The following PCDH7 variants were observed in gnomAD, a reference collection of about 807,000 sequenced individuals.
PCDH7 encodes protocadherin-7.
Under a neutral mutation model 58.9 loss-of-function variants are expected in PCDH7, and 17 were observed. The ratio of observed to expected loss-of-function variants is 0.29; its 90% CI spans 0.20 to 0.43. PCDH7 has a LOEUF of 0.43. Ranked by LOEUF, PCDH7 falls within the 20% of genes least tolerant of loss-of-function variation. The probability of loss-of-function intolerance (pLI) is 1.00; values close to 1 mark genes in which losing one functional copy is unlikely to be tolerated. For missense variants in PCDH7, 1,274 were observed against 1,441.0 expected (o/e 0.88, Z 1.88); for synonymous variants, 664 against 616.4 (o/e 1.08, Z -1.14).
intron 3 of PCDH7, among the ~76,000 whole-genome samples, chr4:31,091,576 G>C (rs1713255668): frequency 6.6e-6 from 1 of 151,640 alleles, no homozygotes; most frequent in Admixed American, 6.6e-5. Flanking sequence ...ATTGGTTTAA[G>C]GTCTGTATTT....
chr4:30,807,157 GC>G (rs1560389956), intron 1 of PCDH7, among the ~76,000 whole-genome samples: 1 of 152,132 alleles, frequency 6.6e-6, no homozygotes, highest in Non-Finnish European at 1.5e-5. Flanking sequence ...ATATTTAAGA[GC>G]TCTGAAAGAA....
intron 1 of PCDH7, among the ~76,000 whole-genome samples, chr4:30,798,478 G>A (rs1424607837): frequency 2.6e-5 from 4 of 152,150 alleles, no homozygotes; most frequent in East Asian, 3.8e-4. Flanking sequence ...TTTGGTACAT[G>A]AGACTTACTT....
chr4:30,798,247 G>T (rs77982002), intron 1 of PCDH7, among the ~76,000 whole-genome samples: 1 of 152,172 alleles, frequency 6.6e-6, no homozygotes, highest in African/African-American at 2.4e-5. Context: ...ACAGACAGGG[G>T]AGTGGATGCC....
At chr4:30,780,690 T>C (rs1722669873) in intron 1 of PCDH7, among the ~76,000 whole-genome samples, 1 of 152,208 alleles carries the variant, frequency 6.6e-6, no homozygotes, top group Admixed American at 6.5e-5. Context: ...ATTTGAATAC[T>C]CTGTCTTTTG....
intron 1 of PCDH7, among the ~76,000 whole-genome samples, chr4:30,813,766 T>G (rs1727297803): frequency 3.3e-5 from 5 of 152,116 alleles, no homozygotes; most frequent in Non-Finnish European, 5.9e-5. Flanking sequence ...CTCAGCATCC[T>G]GAGTCACTGA....
At chr4:30,823,723 G>C (rs1410500627) in intron 1 of PCDH7, among the ~76,000 whole-genome samples, 1 of 151,976 alleles carries the variant, frequency 6.6e-6, no homozygotes, top group Non-Finnish European at 1.5e-5. Context: ...TAGGATCTTG[G>C]GGGTTAGATT....
intron 1 of PCDH7, among the ~76,000 whole-genome samples, chr4:30,889,670 G>A (rs1738349165): frequency 1.3e-5 from 2 of 152,146 alleles, no homozygotes; most frequent in Admixed American, 1.3e-4. Flanking sequence ...TTGAGGACCT[G>A]TTCTTCATAG....
intron 1 of PCDH7, among the ~76,000 whole-genome samples, chr4:30,855,556 T>C (rs1013714721): frequency 6.6e-6 from 1 of 152,170 alleles, no homozygotes; most frequent in African/African-American, 2.4e-5. Flanking sequence ...ATCTGGCTTC[T>C]CTGTAACCTG....
chr4:30,770,929 A>AT (rs987768264), intron 1 of PCDH7, among the ~76,000 whole-genome samples: 15 of 152,044 alleles, frequency 9.9e-5, no homozygotes, highest in South Asian at 2.1e-4. Context: ...TTCTGTAACT[A>AT]TTTTTTTCCC....
rs145853336 is a variant in PCDH7, at chr4:30,774,697, C to T, written c.70+50101C>T. On this transcript the variant is annotated intron_variant, in intron 1 of 3. Transcript: ENST00000509759. ...TTACTCTGCATCAGGGACTGTTCTACGTACAATATACAGTTTATGACAAGA... is the reference window on the plus strand; with the variant it reads ...TTACTCTGCATCAGGGACTGTTCTATGTACAATATACAGTTTATGACAAGA... 1.1e-3 allele frequency among the ~76,000 whole-genome samples: 163 copies of T among 152,198 alleles called. 2 individuals carry two copies. Among genetic ancestry groups the T allele is most frequent in the South Asian group, 6.9e-3 (33 of 4,816 alleles).
intron 1 of PCDH7, among the ~76,000 whole-genome samples, chr4:30,785,628 G>A (rs949527433): frequency 2.6e-5 from 4 of 151,818 alleles, no homozygotes; most frequent in Non-Finnish European, 5.9e-5. Context: ...TTCTCTAAAC[G>A]ATTAATTTTA....
At chr4:30,995,734 T>G (rs1201834946) in intron 3 of PCDH7, among the ~76,000 whole-genome samples, 1 of 152,188 alleles carries the variant, frequency 6.6e-6, no homozygotes, top group African/African-American at 2.4e-5. Context: ...CTTGCCTTTT[T>G]CAGCTTCTGA....
intron 1 of PCDH7, among the ~76,000 whole-genome samples, chr4:30,828,416 G>A (rs899801915): frequency 5.9e-5 from 9 of 152,032 alleles, no homozygotes; most frequent in Admixed American, 3.3e-4. Context: ...TACTTCCAGT[G>A]TCAACATATG....
At chr4:30,889,824 T>A (rs1738376237) in intron 1 of PCDH7, among the ~76,000 whole-genome samples, 1 of 152,176 alleles carries the variant, frequency 6.6e-6, no homozygotes. Flanking sequence ...ACATTAGTGA[T>A]TAGGTTCCAA....
At chr4:30,790,596 A>G (rs962007854) in intron 1 of PCDH7, among the ~76,000 whole-genome samples, 1 of 152,236 alleles carries the variant, frequency 6.6e-6, no homozygotes, top group Non-Finnish European at 1.5e-5. Context: ...TTGGATGAAG[A>G]TGAAATCTGA....
chr4:30,929,128 A>G (rs982404294), intron 2 of PCDH7, among the ~76,000 whole-genome samples: 6 of 152,158 alleles, frequency 3.9e-5, no homozygotes, highest in Non-Finnish European at 8.8e-5. Flanking sequence ...TTTTGAAGTC[A>G]TTGTTATTTA....
chr4:30,813,930 G>A lies in PCDH7; in HGVS notation c.70+89334G>A, dbSNP rs187546833. 2.8e-4 allele frequency among the ~76,000 whole-genome samples: 43 copies of A among 152,244 alleles called. No homozygotes were observed. In the South Asian group the frequency reaches 6.0e-3, roughly 21 times the overall value. On this transcript the variant is annotated intron_variant, in intron 1 of 3. Transcript: ENST00000509759. ...GCTGGGATTACAGGCGTGAGCTACC[G>A]CGCCCAATCGGCTTACTTTATTTTT...
intron 1 of PCDH7, among the ~76,000 whole-genome samples, chr4:30,861,431 T>C (rs1047878412): frequency 2.6e-5 from 4 of 152,190 alleles, no homozygotes; most frequent in African/African-American, 7.2e-5. Context: ...GAAATAGTTA[T>C]ATGCACAATG....
chr4:31,133,072 A>G (rs1471256813), intron 3 of PCDH7, among the ~76,000 whole-genome samples: 2 of 152,190 alleles, frequency 1.3e-5, no homozygotes, highest in Non-Finnish European at 2.9e-5. Flanking sequence ...TGTGTCACTG[A>G]ATGGCAGTTT....
Sources: gnomAD v4.1 joint callset for allele counts (sites outside exome capture counted in the v4.1 genomes callset) on GRCh38, gnomAD v4.1.1 for gene constraint, MANE v1.5 for transcripts, NCBI Gene and HGNC (gene_info 2026-07-23, HGNC 2026-07-21) for gene names.